DCDC1: variants seen among roughly 807,000 people sequenced by gnomAD.
DCDC1 encodes doublecortin domain containing 1.
DCDC1 carries 200 observed loss-of-function variants against 178.3 expected under a neutral mutation model. That is an observed-to-expected ratio of 1.12 (90% CI 1.00 to 1.26). DCDC1 has a LOEUF of 1.26. DCDC1 is among the 50% of genes most tolerant of loss of function. The probability of loss-of-function intolerance (pLI) is 0.00; values close to 1 mark genes in which losing one functional copy is unlikely to be tolerated. For synonymous variants in DCDC1, 690 were observed against 604.8 expected (o/e 1.14, Z -2.07); for missense variants, 1,983 against 1,749.2 (o/e 1.13, Z -2.38).
At chr11:31,055,013 C>T (rs529211028) in intron 20 of DCDC1, among the ~76,000 whole-genome samples, 6 of 151,990 alleles carry the variant, frequency 3.9e-5, no homozygotes, top group Non-Finnish European at 7.4e-5. Context: ...AAAGAGCTTT[C>T]GCACGGCAAA....
Position 31,339,645 on chromosome 11 carries a change from G to T in DCDC1, c.-124-4081C>A, listed in dbSNP as rs192893973. On this transcript the variant is annotated intron_variant, in intron 1 of 38. Coordinates refer to ENST00000684477, the MANE Select transcript of DCDC1 (RefSeq NM_001387274.1). ...TCATAGTGCTTAATTCAGTGTCTAG[G>T]ACATAGTAGGTATGCAATAAATATT... 2.6e-5 allele frequency among the ~76,000 whole-genome samples: 4 copies of T among 152,224 alleles called. No homozygotes were observed. The East Asian group carries it at 7.7e-4, about 29-fold the overall frequency.
At chr11:31,061,737 T>C (rs1009466321) in intron 20 of DCDC1, among the ~76,000 whole-genome samples, 2 of 152,056 alleles carry the variant, frequency 1.3e-5, no homozygotes, top group Non-Finnish European at 2.9e-5. Context: ...GTAAAACCCC[T>C]ATTAAAAATT....
chr11:30,900,461 T>C lies in DCDC1; in HGVS notation c.4548A>G (p.Ala1516=). 1 of 1,552,938 alleles carries C rather than the reference T, an allele frequency of 6.4e-7. No individual in the cohort carries two copies. Among genetic ancestry groups the C allele is most frequent in the Admixed American group, 1.9e-5 (1 of 53,406 alleles). ...PRMKVKNRLF[A]KSVTSDSLDG... is the part of the protein sequence containing the mutation. The stretch of plus-strand genomic sequence containing the variant: ...CCAAACTATCGGATGTCACAGATTT[T>C]GCAAATAATCTGTTTTTCACTTTCA... Residue 1516 remains alanine (A), a synonymous_variant, in exon 33 of 39, where the codon GCA becomes GCG. Coordinates refer to ENST00000684477, the MANE Select transcript of DCDC1 (RefSeq NM_001387274.1).
At chr11:30,990,966 C>G (rs1483480507) in intron 20 of DCDC1, among the ~76,000 whole-genome samples, 1 of 152,134 alleles carries the variant, frequency 6.6e-6, no homozygotes, top group African/African-American at 2.4e-5. Flanking sequence ...TGGGAAGCTT[C>G]CTGGTATCAT....
At chr11:31,224,241 T>C (rs1565461866) in intron 9 of DCDC1, among the ~76,000 whole-genome samples, 2 of 151,972 alleles carry the variant, frequency 1.3e-5, no homozygotes, top group Non-Finnish European at 2.9e-5. Flanking sequence ...TATGTAAATA[T>C]ATACATATAC....
chr11:31,360,480 C>T (rs1036718761), intron 1 of DCDC1, among the ~76,000 whole-genome samples: 1 of 152,102 alleles, frequency 6.6e-6, no homozygotes, highest in African/African-American at 2.4e-5. Context: ...ATCATATACA[C>T]ATATGATAAA....
At chr11:31,308,924 C>G (rs1397458116) in intron 3 of DCDC1, among the ~76,000 whole-genome samples, 1 of 151,026 alleles carries the variant, frequency 6.6e-6, no homozygotes, top group Non-Finnish European at 1.5e-5. Context: ...ATAATATAAC[C>G]CCCCCAAACA....
chr11:31,106,511 A>G (rs1958859753), intron 13 of DCDC1, among the ~76,000 whole-genome samples: 1 of 152,224 alleles, frequency 6.6e-6, no homozygotes, highest in Non-Finnish European at 1.5e-5. Flanking sequence ...TGCTATCATT[A>G]AGGTGACTAC....
chr11:31,141,169 G>A (rs1439198905), intron 9 of DCDC1, among the ~76,000 whole-genome samples: 1 of 152,070 alleles, frequency 6.6e-6, no homozygotes, highest in Non-Finnish European at 1.5e-5. Context: ...AGTGTGCTTA[G>A]AAAAATAATA....
intron 9 of DCDC1, among the ~76,000 whole-genome samples, chr11:31,224,242 A>G (rs989615375): frequency 1.3e-5 from 2 of 152,006 alleles, no homozygotes; most frequent in Admixed American, 1.3e-4. Flanking sequence ...ATGTAAATAT[A>G]TACATATACA....
At position 30,968,697 on chromosome 11, in the gene DCDC1, A is replaced by G. The variant is rs1270566683; in HGVS notation, c.2592-16129T>C. Among the ~76,000 whole-genome samples the G allele has an allele frequency of 3.0e-5, 4 of 131,434 alleles. 1 individual carries two copies. Among genetic ancestry groups the G allele is most frequent in the African/African-American group, 1.2e-4 (4 of 32,894 alleles). 86.2% of individuals were successfully genotyped at this position (131,434 alleles called of 152,430 possible). On this transcript the variant is annotated intron_variant, in intron 20 of 38. Transcript: ENST00000684477. ...TATATCAAATTATATATATCAAATT[A>G]TATATATATCAAATTATATATATAT... is the stretch of plus-strand genomic sequence containing the variant.
At chr11:31,368,123 T>C (rs1952060034) in intron 1 of DCDC1, among the ~76,000 whole-genome samples, 2 of 152,118 alleles carry the variant, frequency 1.3e-5, no homozygotes, top group Non-Finnish European at 2.9e-5. Flanking sequence ...AATGACATTA[T>C]GGAGATAAAA....
intron 9 of DCDC1, among the ~76,000 whole-genome samples, chr11:31,178,291 A>G (rs1379670977): frequency 6.6e-6 from 1 of 152,216 alleles, no homozygotes; most frequent in Non-Finnish European, 1.5e-5. Context: ...ACATTGTAGA[A>G]AAGAAAATCT....
At position 30,955,878 on chromosome 11, in the gene DCDC1, A is replaced by G. The variant is rs145733055; in HGVS notation, c.2592-3310T>C. 2.3e-3 allele frequency among the ~76,000 whole-genome samples: 352 copies of G among 152,312 alleles called. 2 individuals carry two copies. Among genetic ancestry groups the G allele is most frequent in the African/African-American group, 7.5e-3 (312 of 41,562 alleles). On this transcript the variant is annotated intron_variant, in intron 20 of 38. Coordinates refer to ENST00000684477, the MANE Select transcript of DCDC1 (RefSeq NM_001387274.1). The stretch of plus-strand genomic sequence containing the variant: ...AACCAACTCTGGTTAAGTCCAACTC[A>G]AAGCCTATACTTGAAGAGTTGATCA...
At chr11:31,296,015 A>G (rs1468319132) in intron 6 of DCDC1, among the ~76,000 whole-genome samples, 1 of 152,128 alleles carries the variant, frequency 6.6e-6, no homozygotes, top group Non-Finnish European at 1.5e-5. Context: ...TTCCTAAGAC[A>G]TCAATTTTAT....
At chr11:31,173,879 G>A (rs191396379) in intron 9 of DCDC1, among the ~76,000 whole-genome samples, 172 of 152,260 alleles carry the variant, frequency 1.1e-3, no homozygotes, top group Middle Eastern at 3.4e-3. Context: ...TCTCATTCAT[G>A]TGCTGTCTGT....
chr11:31,341,426 G>GGTAC (rs1950539734), intron 1 of DCDC1, among the ~76,000 whole-genome samples: 1 of 151,222 alleles, frequency 6.6e-6, no homozygotes. Context: ...TAGATAGATA[G>GGTAC]ATAGATAGAT....
intron 9 of DCDC1, among the ~76,000 whole-genome samples, chr11:31,198,075 A>G (rs1480113231): frequency 6.6e-6 from 1 of 152,040 alleles, no homozygotes; most frequent in African/African-American, 2.4e-5. Context: ...CATCATCATC[A>G]TGAAAATGAA....
At chr11:31,307,984 A>T in intron 3 of DCDC1, 76 bp from the exon 4 acceptor site, 1 of 1,569,578 alleles carries the variant, frequency 6.4e-7, no homozygotes, top group Non-Finnish European at 8.7e-7. Flanking sequence ...TATAATAACG[A>T]GTTGTGTGCT....
Sources: allele counts gnomAD v4.1 joint callset (sites outside exome capture counted in the v4.1 genomes callset), GRCh38; gene constraint gnomAD v4.1.1; transcripts MANE v1.5; gene names NCBI Gene and HGNC (gene_info 2026-07-23, HGNC 2026-07-21).